Variants in SPSB4 observed in about 807,000 individuals in gnomAD.
The protein encoded by SPSB4 is SPRY domain-containing SOCS box protein 4.
A neutral mutation model predicts 20.9 loss-of-function variants in SPSB4; 21 were observed. That is an observed-to-expected ratio of 1.01 (90% CI 0.71 to 1.45). The LOEUF is 1.45. Among genes scored for constraint, SPSB4 ranks in the 40% most tolerant of loss-of-function variants. The probability of loss-of-function intolerance (pLI) is 0.00; values close to 1 mark genes in which losing one functional copy is unlikely to be tolerated. For missense variants in SPSB4, 399 were observed against 399.2 expected (o/e 1.00, Z 0.00); for synonymous variants, 207 against 183.8 (o/e 1.13, Z -1.02).
chr3:141,111,574 T>G (rs1938798879), intron 2 of SPSB4, among the ~76,000 whole-genome samples: 1 of 152,016 alleles, frequency 6.6e-6, no homozygotes, highest in Non-Finnish European at 1.5e-5. Context: ...CCATGCAAGC[T>G]GAAACCACAG....
intron 2 of SPSB4, among the ~76,000 whole-genome samples, chr3:141,105,969 G>A (rs2107796759): frequency 6.6e-6 from 1 of 152,298 alleles, no homozygotes; most frequent in African/African-American, 2.4e-5. Context: ...TCGCCACCTG[G>A]TGGTACAGAT....
chr3:141,089,638 G>C (rs1559846119), intron 2 of SPSB4, among the ~76,000 whole-genome samples: 1 of 152,204 alleles, frequency 6.6e-6, no homozygotes, highest in East Asian at 1.9e-4. Context: ...GAATGGCAAT[G>C]AAGCATTTTA....
At chr3:141,086,718 G>A (rs928834770) in intron 2 of SPSB4, among the ~76,000 whole-genome samples, 1 of 152,218 alleles carries the variant, frequency 6.6e-6, no homozygotes, top group Admixed American at 6.5e-5. Flanking sequence ...CTGACACATA[G>A]GACATACGCA....
At chr3:141,085,860 C>A (rs1025977947) in intron 2 of SPSB4, among the ~76,000 whole-genome samples, 1 of 152,242 alleles carries the variant, frequency 6.6e-6, no homozygotes, top group South Asian at 2.1e-4. Context: ...AGAGCTGGCA[C>A]ATGGCCAGCC....
At chr3:141,146,119 G>A (rs977847287) in intron 2 of SPSB4, among the ~76,000 whole-genome samples, 5 of 150,666 alleles carry the variant, frequency 3.3e-5, no homozygotes, top group African/African-American at 1.2e-4. Context: ...GCTGCCTCTG[G>A]TGCTAGCTTA....
intron 2 of SPSB4, among the ~76,000 whole-genome samples, chr3:141,075,065 G>T (rs981525189): frequency 6.6e-5 from 10 of 152,014 alleles, no homozygotes; most frequent in Non-Finnish European, 1.5e-4. Flanking sequence ...TAAAACCCAG[G>T]CCTCCAATCC....
At chr3:141,086,555 G>T (rs1337661586) in intron 2 of SPSB4, among the ~76,000 whole-genome samples, 1 of 152,192 alleles carries the variant, frequency 6.6e-6, no homozygotes, top group Non-Finnish European at 1.5e-5. Flanking sequence ...AGTGGTAATG[G>T]CTCTTTGGCC....
chr3:141,141,839 G>A (rs1016222752), intron 2 of SPSB4, among the ~76,000 whole-genome samples: 1 of 152,160 alleles, frequency 6.6e-6, no homozygotes, highest in South Asian at 2.1e-4. Context: ...GTGTAAAGGT[G>A]TTAATAATCC....
At chr3:141,067,102 T>A (rs2107779756) in intron 2 of SPSB4, among the ~76,000 whole-genome samples, 1 of 152,340 alleles carries the variant, frequency 6.6e-6, no homozygotes, top group East Asian at 1.9e-4. Context: ...CTCAGAACAG[T>A]GACTGGCACC....
At chr3:141,082,777 T>A (rs1029641929) in intron 2 of SPSB4, among the ~76,000 whole-genome samples, 1 of 152,224 alleles carries the variant, frequency 6.6e-6, no homozygotes, top group African/African-American at 2.4e-5. Context: ...GAACTAGAAT[T>A]TGGACTCTAG....
intron 1 of SPSB4, among the ~76,000 whole-genome samples, chr3:141,061,586 T>A (rs1424959991): frequency 6.6e-6 from 1 of 151,884 alleles, no homozygotes; most frequent in African/African-American, 2.4e-5. Flanking sequence ...AATGAACCAG[T>A]ATTGATACAT....
intron 2 of SPSB4, among the ~76,000 whole-genome samples, chr3:141,069,974 G>A (rs750333888): frequency 3.4e-4 from 52 of 152,334 alleles, no homozygotes; most frequent in South Asian, 6.2e-4. Context: ...TGTATTCACT[G>A]AGGGCACGAA....
Position 141,095,793 on chromosome 3 carries a change from G to C in SPSB4, c.694+28995G>C, listed in dbSNP as rs149799612. Among the ~76,000 whole-genome samples, 193 of 152,318 alleles carry C rather than the reference G, an allele frequency of 1.3e-3. 1 individual carries two copies. Among genetic ancestry groups the C allele is most frequent in the African/African-American group, 4.4e-3 (183 of 41,564 alleles). On this transcript the variant is annotated intron_variant, in intron 2 of 2. Transcript: ENST00000310546. ...TCCCAGGATGAGGGAGGCCCAGGGA[G>C]GAGATGTGGCAGAGATTATTGGAGA...
intron 2 of SPSB4, among the ~76,000 whole-genome samples, chr3:141,100,591 T>G (rs1213412590): frequency 6.6e-6 from 1 of 152,200 alleles, no homozygotes; most frequent in Admixed American, 6.5e-5. Context: ...AGGCAATAAA[T>G]TTCTGTGAAG....
chr3:141,117,752 TG>T (rs1235677039), intron 2 of SPSB4, among the ~76,000 whole-genome samples: 5 of 152,234 alleles, frequency 3.3e-5, no homozygotes, highest in African/African-American at 1.2e-4. Context: ...GAACATACAG[TG>T]TTTGGTTTTC....
intron 2 of SPSB4, among the ~76,000 whole-genome samples, chr3:141,133,783 C>G (rs984778356): frequency 6.6e-6 from 1 of 152,098 alleles, no homozygotes; most frequent in Non-Finnish European, 1.5e-5. Context: ...TTTTCAGTTT[C>G]ATATGAATTT....
At chr3:141,094,253 G>T (rs749091672) in intron 2 of SPSB4, among the ~76,000 whole-genome samples, 2 of 152,218 alleles carry the variant, frequency 1.3e-5, no homozygotes, top group African/African-American at 2.4e-5. Flanking sequence ...CTGTGAGCCT[G>T]GTTGGTCTGT....
At chr3:141,083,925 G>T (rs1938290188) in intron 2 of SPSB4, among the ~76,000 whole-genome samples, 1 of 152,092 alleles carries the variant, frequency 6.6e-6, no homozygotes, top group Admixed American at 6.6e-5. Context: ...TGGAGGCCCT[G>T]CAGGGTAGAG....
chr3:141,147,305 A>G lies in SPSB4; in HGVS notation c.*36A>G. Reference sequence around the variant, plus strand: ...ATGGGCAGCACAGACACAGACACACACCGCAGGGCCCGACCCTCCTGTCAT... The same window carrying G: ...ATGGGCAGCACAGACACAGACACACGCCGCAGGGCCCGACCCTCCTGTCAT... On this transcript the variant is annotated 3_prime_UTR_variant, in exon 3 of 3. Coordinates refer to ENST00000310546, the MANE Select transcript of SPSB4 (RefSeq NM_080862.3). The G allele has an allele frequency of 1.2e-6, 2 of 1,612,592 alleles. No homozygotes were observed. Among genetic ancestry groups the G allele is most frequent in the Non-Finnish European group, 1.7e-6 (2 of 1,179,110 alleles).
Sources: gnomAD v4.1 joint callset for allele counts (sites outside exome capture counted in the v4.1 genomes callset) on GRCh38, gnomAD v4.1.1 for gene constraint, MANE v1.5 for transcripts, NCBI Gene and HGNC (gene_info 2026-07-23, HGNC 2026-07-21) for gene names.